The following HECTD2 variants were observed in gnomAD, a reference collection of about 807,000 sequenced individuals.
The protein encoded by HECTD2 is probable E3 ubiquitin-protein ligase HECTD2.
HECTD2 carries 35 observed loss-of-function variants against 103.2 expected under a neutral mutation model. The observed-to-expected ratio is 0.34, with a 90% CI of 0.26 to 0.45. The LOEUF (loss-of-function observed/expected upper bound fraction) is 0.45. HECTD2 is among the 20% of genes least tolerant of loss of function. HECTD2 has a pLI of 1.00. For synonymous variants in HECTD2, 281 were observed against 329.9 expected, an observed-to-expected ratio of 0.85 and a Z score of 1.61; for missense variants, 596 against 937.4, an observed-to-expected ratio of 0.64 and a Z score of 4.76.
Position 91,500,485 on chromosome 10 carries a change from TA to T in HECTD2, c.1951-14del. 1 of 1,235,248 alleles carries T rather than the reference TA, an allele frequency of 8.1e-7. No individual in the cohort carries two copies. The highest frequency in any genetic ancestry group is 1.9e-4 in the Middle Eastern group (1 of 5,360). The allele number at this position is 1,235,248 out of a possible 1,614,324, so 76.5% of individuals were successfully genotyped here. A position where few individuals can be genotyped will look rare whatever the true frequency, so the allele number is the denominator to read the frequency against. On this transcript the variant is annotated splice_polypyrimidine_tract_variant and intron_variant, in intron 18 of 20. Coordinates refer to ENST00000298068, the MANE Select transcript of HECTD2 (RefSeq NM_182765.6). ...ATCACTCTTTAATTATTGTTTTTGA[TA>T]AATAATTATTGGCAGCTGCTTCGTC... is the stretch of plus-strand genomic sequence containing the variant.
intron 7 of HECTD2, among the ~76,000 whole-genome samples, chr10:91,482,654 A>G (rs1027490087): frequency 3.3e-5 from 5 of 151,976 alleles, no homozygotes; most frequent in African/African-American, 9.7e-5. Context: ...TAAGATAGAG[A>G]ATATCATTCC....
At chr10:91,429,276 G>T (rs1256224521) in intron 2 of HECTD2, among the ~76,000 whole-genome samples, 21 of 152,014 alleles carry the variant, frequency 1.4e-4, no homozygotes, top group South Asian at 2.1e-4. Flanking sequence ...TGGATTCGGT[G>T]TGCCAGTATT....
chr10:91,460,541 A>C lies in HECTD2; in HGVS notation c.383A>C (p.Gln128Pro), dbSNP rs368901450. ...CTTCCAGAACCTATTCTTCCTATCCAGCCCAAAACTGTGAAAGACTTTCAG... is the reference window on the plus strand; with the variant it reads ...CTTCCAGAACCTATTCTTCCTATCCCGCCCAAAACTGTGAAAGACTTTCAG... ...PVLPEPILPI[Q>P]PKTVKDFQED... The change falls in exon 3 of 21, where the codon CAG (glutamine) becomes CCG (proline). Residue 128 changes from glutamine (Q) to proline (P), a missense_variant. By Grantham distance (76) the Gln-to-Pro change is moderately conservative. Coordinates refer to ENST00000298068, the MANE Select transcript of HECTD2 (RefSeq NM_182765.6). The C allele has an allele frequency of 9.9e-6, 16 of 1,611,472 alleles. No homozygotes were observed. Among genetic ancestry groups the C allele is most frequent in the Non-Finnish European group, 1.4e-5 (16 of 1,178,966 alleles).
At chr10:91,451,336 C>T (rs1844816862) in intron 2 of HECTD2, among the ~76,000 whole-genome samples, 1 of 151,754 alleles carries the variant, frequency 6.6e-6, no homozygotes, top group Admixed American at 6.6e-5. Context: ...ACACAGGTAC[C>T]TGGGGAGGGG....
At chr10:91,478,291 C>T in intron 6 of HECTD2, 26 bp downstream of exon 6, 1 of 1,386,118 alleles carries the variant, frequency 7.2e-7, no homozygotes, top group Non-Finnish European at 1.0e-6. Context: ...CAATATTTAG[C>T]TAATCAGTAT....
chr10:91,503,755 C>G (rs1192094980), intron 20 of HECTD2, among the ~76,000 whole-genome samples: 1 of 152,172 alleles, frequency 6.6e-6, no homozygotes, highest in African/African-American at 2.4e-5. Context: ...CCAGGAAGCT[C>G]GAACTGGGTG....
chr10:91,438,315 G>A (rs935436262), intron 2 of HECTD2, among the ~76,000 whole-genome samples: 5 of 152,212 alleles, frequency 3.3e-5, no homozygotes, highest in Non-Finnish European at 5.9e-5. Context: ...TGCCACTTAC[G>A]AGTGAGAACA....
chr10:91,435,345 A>G (rs1844071383), intron 2 of HECTD2, among the ~76,000 whole-genome samples: 2 of 151,976 alleles, frequency 1.3e-5, no homozygotes, highest in South Asian at 2.1e-4. Flanking sequence ...CCAACTGTCA[A>G]GAGTACTATA....
At chr10:91,454,202 C>G (rs556677960) in intron 2 of HECTD2, among the ~76,000 whole-genome samples, 1 of 152,112 alleles carries the variant, frequency 6.6e-6, no homozygotes, top group Non-Finnish European at 1.5e-5. Context: ...ACAGCACGCT[C>G]TACTCAACAA....
At chr10:91,507,975 A>G (rs1847262524) in intron 20 of HECTD2, among the ~76,000 whole-genome samples, 1 of 138,334 alleles carries the variant, frequency 7.2e-6, no homozygotes, top group Non-Finnish European at 1.5e-5. Context: ...CCGCATATGT[A>G]CAACTATCTG....
chr10:91,497,432 A>G (rs1348229184), intron 15 of HECTD2, among the ~76,000 whole-genome samples: 1 of 146,232 alleles, frequency 6.8e-6, no homozygotes, highest in Admixed American at 6.9e-5. Context: ...CTGGGATTAC[A>G]GGTGTGAGCC....
At chr10:91,467,886 C>A in intron 5 of HECTD2, among the ~76,000 whole-genome samples, 1 of 152,174 alleles carries the variant, frequency 6.6e-6, no homozygotes, top group East Asian at 1.9e-4. Context: ...CTAGCCCCCC[C>A]ACCATGCTGA....
intron 2 of HECTD2, among the ~76,000 whole-genome samples, chr10:91,439,729 C>T (rs1177931391): frequency 1.3e-5 from 2 of 152,094 alleles, no homozygotes; most frequent in East Asian, 1.9e-4. Flanking sequence ...GAATGTTTTT[C>T]CCTTTGTTTG....
intron 20 of HECTD2, among the ~76,000 whole-genome samples, chr10:91,508,962 A>G (rs941592482): frequency 6.6e-6 from 1 of 152,000 alleles, no homozygotes; most frequent in Non-Finnish European, 1.5e-5. Context: ...TGATGAGTTC[A>G]TGTCCTTTGT....
intron 2 of HECTD2, among the ~76,000 whole-genome samples, chr10:91,432,107 T>C (rs1843907851): frequency 6.6e-6 from 1 of 152,012 alleles, no homozygotes; most frequent in Admixed American, 6.6e-5. Context: ...GTAATTCTTT[T>C]ATTGAATAGA....
At chr10:91,427,024 C>A (rs1843594661) in intron 2 of HECTD2, among the ~76,000 whole-genome samples, 1 of 123,190 alleles carries the variant, frequency 8.1e-6, no homozygotes, top group Non-Finnish European at 1.6e-5. Flanking sequence ...CAACAGTCGC[C>A]AGAGTGTGAT....
intron 2 of HECTD2, among the ~76,000 whole-genome samples, chr10:91,436,597 T>C (rs1023469027): frequency 2.6e-5 from 4 of 151,970 alleles, no homozygotes; most frequent in African/African-American, 9.7e-5. Context: ...CTCCAAATAA[T>C]AGGAATTTCC....
At chr10:91,491,912 C>G (rs1429504426) in intron 12 of HECTD2, among the ~76,000 whole-genome samples, 1 of 152,142 alleles carries the variant, frequency 6.6e-6, no homozygotes, top group Non-Finnish European at 1.5e-5. Context: ...TCAAAGCTCA[C>G]TGCCGCCTCA....
At chr10:91,464,762 T>A (rs907048519) in intron 5 of HECTD2, 2 of 152,814 alleles carry the variant, frequency 1.3e-5, no homozygotes, top group African/African-American at 4.8e-5. Flanking sequence ...TTGGCCATGG[T>A]TGGCCTGAGG....
Sources: allele counts gnomAD v4.1 joint callset (sites outside exome capture counted in the v4.1 genomes callset), GRCh38; gene constraint gnomAD v4.1.1; transcripts MANE v1.5; gene names NCBI Gene and HGNC (gene_info 2026-07-23, HGNC 2026-07-21).